Variants in APBB3 observed in about 807,000 individuals in gnomAD.
APBB3 encodes amyloid beta precursor protein binding family B member 3.
In APBB3, 50 loss-of-function variants were observed where a neutral mutation model predicts 61.5. The observed-to-expected ratio is 0.81, with a 90% CI of 0.65 to 1.03. The LOEUF is 1.03. Ranked by LOEUF, APBB3 falls within the 50% of genes least tolerant of loss-of-function variation. APBB3 has a pLI of 0.00. For missense variants in APBB3, 550 were observed against 637.4 expected (o/e 0.86, Z 1.48); for synonymous variants, 235 against 233.0 (o/e 1.01, Z -0.08).
In APBB3 at chr5:140,563,672, T is replaced by C. The variant is rs1380758237; in HGVS notation, c.214-2A>G. The C allele has an allele frequency of 6.2e-7, 1 of 1,614,174 alleles. No homozygotes were observed. Among genetic ancestry groups the C allele is most frequent in the Non-Finnish European group, 8.5e-7 (1 of 1,180,000 alleles). On this transcript the variant is annotated splice_acceptor_variant, in intron 2 of 12. Transcript: ENST00000357560. LOFTEE classifies it high-confidence loss of function. ...CAGTCCCCAGATCCCCTCCGTTCCC[T>C]GTAGAGTGGGAGTTAGTCAGTTTAA...
rs868341124 is a variant in APBB3, at chr5:140,562,876, T to C, written c.291-153A>G. On this transcript the variant is annotated intron_variant, in intron 3 of 12. Coordinates refer to ENST00000357560, the MANE Select transcript of APBB3 (RefSeq NM_133173.3). The stretch of plus-strand genomic sequence containing the variant: ...AGAGCAGGGTAGAGCCCAGGACATA[T>C]TAACGTAACATAAAGTGTGACTCAG... The C allele has an allele frequency of 4.8e-5, 32 of 672,306 alleles. 2 individuals are homozygous for C. In the Middle Eastern group the frequency reaches 2.5e-3, roughly 52 times the overall value. 41.6% of individuals were successfully genotyped at this position (672,306 alleles called of 1,614,324 possible). A position where few individuals can be genotyped will look rare whatever the true frequency, so the allele number is the denominator to read the frequency against.
Position 140,564,188 on chromosome 5 carries a change from C to T in APBB3, c.49+9G>A. The stretch of plus-strand genomic sequence containing the variant: ...TCCTGGTCTTCCCACCGGGCCCCTC[C>T]GTGCACACCATCGCAGTTGACCAGA... On this transcript the variant is annotated intron_variant, in intron 1 of 12. Coordinates refer to ENST00000357560, the MANE Select transcript of APBB3 (RefSeq NM_133173.3). This position sits in a 1 kb window ranked among gnomAD's most constrained non-coding sequence, Gnocchi z 5.0. The T allele has an allele frequency of 6.2e-7, 1 of 1,614,078 alleles. No individual in the cohort carries two copies. The highest frequency in any genetic ancestry group is 8.5e-7 in the Non-Finnish European group (1 of 1,180,028).
At position 140,564,032 on chromosome 5, in the gene APBB3, G is replaced by A. The variant is rs1581408436; in HGVS notation, c.50-117C>T. 6.8e-7 allele frequency: 1 copy of A among 1,476,314 alleles called. No individual in the cohort carries two copies. Among genetic ancestry groups the A allele is most frequent in the East Asian group, 2.4e-5 (1 of 42,320 alleles). The allele number at this position is 1,476,314 out of a possible 1,614,324, so 91.5% of individuals were successfully genotyped here. On this transcript the variant is annotated intron_variant, in intron 1 of 12. Transcript: ENST00000357560. The surrounding 1 kb of genome is among the most constrained non-coding windows in gnomAD (Gnocchi z 5.0). Reference sequence around the variant, plus strand: ...GGTCAGTTCTTAGGCTGAAGATCCAGGCTCCTCAATCTTGAAGACATCACA... The same window carrying A: ...GGTCAGTTCTTAGGCTGAAGATCCAAGCTCCTCAATCTTGAAGACATCACA...
intron 6 of APBB3, 50 bp from the exon 7 acceptor site, chr5:140,561,899 G>A (rs370110983): frequency 3.7e-5 from 60 of 1,613,096 alleles, no homozygotes; most frequent in Non-Finnish European, 4.6e-5. Flanking sequence ...CCAGCCTCTC[G>A]GACTCTCCCC....
intron 9 of APBB3, 126 bp from the exon 10 acceptor site, chr5:140,561,227 C>G: frequency 7.0e-7 from 1 of 1,435,786 alleles, no homozygotes; most frequent in Non-Finnish European, 9.8e-7. Context: ...GATGCTCCTC[C>G]AACTAGTGGC....
In APBB3 at chr5:140,563,658, TC is replaced by T; in HGVS notation, c.225del (p.Ile76SerfsTer52). The T allele has an allele frequency of 6.2e-7, 1 of 1,614,098 alleles. No individual in the cohort carries two copies. ...DAEDPGTGTE[G>X]IWGLRPPKGR... is the part of the protein sequence containing the mutation. ...CCTTTGGGGGGCCGCAGTCCCCAGA[TC>T]CCCTCCGTTCCCTGTAGAGTGGGAG... On this transcript the variant is annotated frameshift_variant, in exon 3 of 13. Coordinates refer to ENST00000357560, the MANE Select transcript of APBB3 (RefSeq NM_133173.3). LOFTEE classifies it high-confidence loss of function.
Position 140,563,911 on chromosome 5 carries a change from G to A in APBB3, c.54C>T (p.Asp18=). 1 of 1,613,426 alleles carries A rather than the reference G, an allele frequency of 6.2e-7. No homozygotes were observed. The highest frequency in any genetic ancestry group is 8.5e-7 in the Non-Finnish European group (1 of 1,179,858). Residue 18 remains aspartate, a synonymous_variant, in exon 2 of 13, where the codon GAC becomes GAT. Coordinates refer to ENST00000357560, the MANE Select transcript of APBB3 (RefSeq NM_133173.3). ...LAIILVNCDD[D]LWGDHSLEVE... ...CCTCCAGACTGTGGTCCCCCCACAA[G>A]TCATCTACAGGAACACCGGATTAGA...
chr5:140,559,549 CCT>C (rs1430372056), intron 12 of APBB3, among the ~76,000 whole-genome samples: 2 of 152,224 alleles, frequency 1.3e-5, no homozygotes, highest in Non-Finnish European at 2.9e-5. Context: ...TCTGATCTCA[CCT>C]CTCACTACGT....
Position 140,560,930 on chromosome 5 carries a change from G to A in APBB3, c.916+88C>T. On this transcript the variant is annotated intron_variant, in intron 10 of 12. Coordinates refer to ENST00000357560, the MANE Select transcript of APBB3 (RefSeq NM_133173.3). This position sits in a 1 kb window ranked among gnomAD's most constrained non-coding sequence, Gnocchi z 5.1. ...CCAGGCCATAACAAGGCCACGGGAGGACTCTTGAGAAATGATAACAGGCCT... is the reference window on the plus strand; with the variant it reads ...CCAGGCCATAACAAGGCCACGGGAGAACTCTTGAGAAATGATAACAGGCCT... The A allele has an allele frequency of 3.4e-6, 5 of 1,482,390 alleles. No homozygotes were observed. Among genetic ancestry groups the A allele is most frequent in the East Asian group, 4.5e-5 (2 of 44,038 alleles). The allele number at this position is 1,482,390 out of a possible 1,614,324, so 91.8% of individuals were successfully genotyped here. A position where few individuals can be genotyped will look rare whatever the true frequency, so the allele number is the denominator to read the frequency against.
Position 140,558,495 on chromosome 5 carries a change from A to G in APBB3, c.*90T>C, listed in dbSNP as rs1754795395. The G allele has an allele frequency of 8.0e-7, 1 of 1,245,058 alleles. No individual in the cohort carries two copies. Among genetic ancestry groups the G allele is most frequent in the South Asian group, 1.2e-5 (1 of 82,606 alleles). 77.1% of individuals were successfully genotyped at this position (1,245,058 alleles called of 1,614,324 possible). On this transcript the variant is annotated 3_prime_UTR_variant, in exon 13 of 13. Coordinates refer to ENST00000357560, the MANE Select transcript of APBB3 (RefSeq NM_133173.3). ...GGAGGGACAGGCAGAGAAGGCTTCA[A>G]GGAGTGACAGGCTATAGGCCTTGAG...
chr5:140,562,035 G>A (rs886693922), intron 6 of APBB3, 65 bp downstream of exon 6: 74 of 1,612,580 alleles, frequency 4.6e-5, no homozygotes, highest in Non-Finnish European at 6.3e-5. Context: ...CAGCATCAGT[G>A]GGGATCACAG....
rs376736809 is a variant in APBB3, at chr5:140,561,571, C to T, written c.747+16G>A. The T allele has an allele frequency of 9.0e-5, 145 of 1,613,964 alleles. No individual in the cohort carries two copies. The highest frequency in any genetic ancestry group is 1.1e-4 in the Non-Finnish European group (132 of 1,179,938). On this transcript the variant is annotated intron_variant, in intron 8 of 12. Coordinates refer to ENST00000357560, the MANE Select transcript of APBB3 (RefSeq NM_133173.3). ...AACCCCTTACCCACATTCCCTGCCC[C>T]ACCCCTGACACTTACCTGGGCACAA...
Position 140,560,999 on chromosome 5 carries a change from C to A in APBB3, c.916+19G>T. The A allele has an allele frequency of 2.5e-6, 4 of 1,609,486 alleles. No homozygotes were observed. Among genetic ancestry groups the A allele is most frequent in the Non-Finnish European group, 3.4e-6 (4 of 1,179,212 alleles). The stretch of plus-strand genomic sequence containing the variant: ...CTTGCCTCACACAGCCCACCACATG[C>A]AGCCCCCTCAGTCCTCACCCATGGC... On this transcript the variant is annotated intron_variant, in intron 10 of 12. Coordinates refer to ENST00000357560, the MANE Select transcript of APBB3 (RefSeq NM_133173.3). The surrounding 1 kb of genome is among the most constrained non-coding windows in gnomAD (Gnocchi z 5.1).
Position 140,561,597 on chromosome 5 carries a change from A to T in APBB3, c.737T>A (p.Leu246His). 6.2e-7 allele frequency: 1 copy of T among 1,614,242 alleles called. No homozygotes were observed. Among genetic ancestry groups the T allele is most frequent in the Middle Eastern group, 1.6e-4 (1 of 6,062 alleles). The change falls in exon 8 of 13, where the codon CTT (leucine) becomes CAT (histidine). Residue 246 changes from leucine to histidine, a missense_variant. Physicochemically the swap from Leu to His is moderately conservative, Grantham distance 99. This residue lies in a region of APBB3 where 405 missense variants were observed against 483.4 expected (regional missense o/e 0.84). Transcript: ENST00000357560. ...ACCCCTGACACTTACCTGGGCACAAAGCCCATGTAGGGCACTGGCAATGGC... is the reference window on the plus strand; with the variant it reads ...ACCCCTGACACTTACCTGGGCACAATGCCCATGTAGGGCACTGGCAATGGC... ...AKAIASALHG[L>H]CAQILSERVE...
Position 140,560,779 on chromosome 5 carries a change from T to TC in APBB3, c.917-26dup. The TC allele has an allele frequency of 6.2e-7, 1 of 1,600,924 alleles. No homozygotes were observed. The highest frequency in any genetic ancestry group is 2.2e-5 in the East Asian group (1 of 44,750). On this transcript the variant is annotated intron_variant, in intron 10 of 12. Transcript: ENST00000357560. The surrounding 1 kb of genome is among the most constrained non-coding windows in gnomAD (Gnocchi z 5.1). ...CCTGGGGGAACATACCCAGCGTGTC[T>TC]CCCAGTGTAAAAGAAAGAGTCTGCA...
chr5:140,562,555 G>A (rs899036556), intron 4 of APBB3, 56 bp from the exon 5 acceptor site: 1 of 1,609,532 alleles, frequency 6.2e-7, no homozygotes, highest in Non-Finnish European at 8.5e-7. Context: ...GGTGGCAGGT[G>A]CCACAATACA....
At chr5:140,558,967 G>A in intron 12 of APBB3, 146 bp from the exon 13 acceptor site, 1 of 722,238 alleles carries the variant, frequency 1.4e-6, no homozygotes, top group Non-Finnish European at 2.4e-6. Flanking sequence ...AGCATTCCCA[G>A]GTAGCTCAAT....
Position 140,564,403 on chromosome 5 carries a change from G to C in APBB3, c.-158C>G, listed in dbSNP as rs1375497493. 9 of 856,022 alleles carry C rather than the reference G, an allele frequency of 1.1e-5. No homozygotes were observed. The highest frequency in any genetic ancestry group is 1.7e-5 in the African/African-American group (1 of 58,998). The allele number at this position is 856,022 out of a possible 1,614,324, so 53.0% of individuals were successfully genotyped here. On this transcript the variant is annotated 5_prime_UTR_variant, in exon 1 of 13. Coordinates refer to ENST00000357560, the MANE Select transcript of APBB3 (RefSeq NM_133173.3). This position sits in a 1 kb window ranked among gnomAD's most constrained non-coding sequence, Gnocchi z 5.0. ...GGGGCGGGACACGGGGCGGGACACG[G>C]GCCGGTCCCGGGGGAGGGCCTGAGC...
rs1271295911 is a variant in APBB3, at chr5:140,560,563, T to C, written c.1033-59A>G. On this transcript the variant is annotated intron_variant, in intron 11 of 12. Coordinates refer to ENST00000357560, the MANE Select transcript of APBB3 (RefSeq NM_133173.3). The surrounding 1 kb of genome is among the most constrained non-coding windows in gnomAD (Gnocchi z 5.1). The stretch of plus-strand genomic sequence containing the variant: ...AGCACGGGCCAGACCCACTTAACTT[T>C]TCCGACAGCAAGCAGTGACCCCTCA... 1.9e-6 allele frequency: 3 copies of C among 1,606,008 alleles called. No homozygotes were observed. The African/African-American group carries it at 4.0e-5, about 21-fold the overall frequency.
Sources: allele counts gnomAD v4.1 joint callset (sites outside exome capture counted in the v4.1 genomes callset), GRCh38; gene constraint gnomAD v4.1.1; regional missense constraint gnomAD v4.1.1; non-coding constraint Gnocchi (gnomAD v3.1); transcripts MANE v1.5; gene names NCBI Gene and HGNC (gene_info 2026-07-23, HGNC 2026-07-21).